Variants in SCARA3 observed in about 807,000 individuals in gnomAD.
The protein encoded by SCARA3 is cellular stress response gene protein.
SCARA3 carries 39 observed loss-of-function variants against 47.0 expected under a neutral mutation model. That is an observed-to-expected ratio of 0.83 (90% CI 0.64 to 1.08). The LOEUF is 1.08. Ranked by LOEUF, SCARA3 falls within the 50% of genes least tolerant of loss-of-function variation. SCARA3 has a pLI of 0.00. For missense variants in SCARA3, 724 were observed against 792.3 expected (o/e 0.91, Z 1.04); for synonymous variants, 356 against 334.1 (o/e 1.07, Z -0.71).
intron 2 of SCARA3, among the ~76,000 whole-genome samples, chr8:27,650,525 T>G (rs1434898435): frequency 6.6e-6 from 1 of 152,362 alleles, no homozygotes; most frequent in South Asian, 2.1e-4. Context: ...TGGCTCTTCA[T>G]TGCAATCACC....
chr8:27,646,951 C>A (rs569379182), intron 1 of SCARA3, among the ~76,000 whole-genome samples: 2 of 128,498 alleles, frequency 1.6e-5, no homozygotes, highest in Non-Finnish European at 3.3e-5. Flanking sequence ...AAAGCACTTG[C>A]CCGCACCCCT....
intron 4 of SCARA3, 31 bp from the exon 5 acceptor site, chr8:27,658,465 C>A (rs1801790389): frequency 6.5e-7 from 1 of 1,540,516 alleles, no homozygotes; most frequent in Non-Finnish European, 8.7e-7. Flanking sequence ...GGCCCTTCAG[C>A]AACTCAAACT....
the SCARA3 span, among the ~76,000 whole-genome samples, chr8:27,692,914 CAGG>C: frequency 6.6e-6 from 1 of 152,026 alleles, no homozygotes; most frequent in Non-Finnish European, 1.5e-5. Context: ...CACTTGAGGC[CAGG>C]AGATCGAGAC....
At chr8:27,676,238 A>T (rs536899737), downstream of SCARA3, among the ~76,000 whole-genome samples, 1 of 152,354 alleles carries the variant, frequency 6.6e-6, no homozygotes, top group Admixed American at 6.5e-5. Flanking sequence ...GTTCCACAGA[A>T]TCAACTTGCT....
the SCARA3 span, among the ~76,000 whole-genome samples, chr8:27,705,072 C>A: frequency 6.6e-6 from 1 of 152,176 alleles, no homozygotes; most frequent in Admixed American, 6.5e-5. Flanking sequence ...GAGCAATCAG[C>A]GAGGGTACCA....
chr8:27,656,673 G>A, intron 3 of SCARA3, 109 bp from the exon 4 acceptor site: 1 of 732,014 alleles, frequency 1.4e-6, no homozygotes. Context: ...GAGAAGAAGG[G>A]TGAAAGGTTT....
the SCARA3 span, among the ~76,000 whole-genome samples, chr8:27,686,858 T>A: frequency 1.3e-5 from 2 of 152,176 alleles, no homozygotes; most frequent in Non-Finnish European, 2.9e-5. Flanking sequence ...GGTAAACGTG[T>A]GCCATGGTGG....
intron 5 of SCARA3, among the ~76,000 whole-genome samples, chr8:27,666,764 C>G (rs1466200305): frequency 6.6e-6 from 1 of 152,190 alleles, no homozygotes; most frequent in Non-Finnish European, 1.5e-5. Context: ...TGCACTGCCC[C>G]TCCCATGGGT....
chr8:27,668,546 C>CAAAAAAAAAAAAAAAAA (rs61162841), intron 5 of SCARA3, among the ~76,000 whole-genome samples: 32 of 69,800 alleles, frequency 4.6e-4, no homozygotes, highest in African/African-American at 1.3e-3. Flanking sequence ...GACTCCGTCT[C>CAAAAAAAAAAAAAAAAA]AAAAAAAAAA....
chr8:27,658,529 A>T lies in SCARA3; in HGVS notation c.359A>T (p.His120Leu). ...GCCCTGAACAACTGCTCTTTCTGCCATGAAGCTGGGCAGCTGGGGCCAGAG... is the reference window on the plus strand; with the variant it reads ...GCCCTGAACAACTGCTCTTTCTGCCTTGAAGCTGGGCAGCTGGGGCCAGAG... ...PKALNNCSFC[H>L]EAGQLGPEIR... is the part of the protein sequence containing the mutation. The change falls in exon 5 of 6, where the codon CAT becomes CTT. Residue 120 changes from histidine (H) to leucine (L), a missense_variant. Transcript: ENST00000301904. 1 of 1,612,270 alleles carries T rather than the reference A, an allele frequency of 6.2e-7. No homozygotes were observed. Among genetic ancestry groups the T allele is most frequent in the African/African-American group, 1.3e-5 (1 of 74,988 alleles).
chr8:27,648,494 C>T (rs1228816395), intron 1 of SCARA3, among the ~76,000 whole-genome samples: 2 of 152,132 alleles, frequency 1.3e-5, no homozygotes, highest in African/African-American at 4.8e-5. Flanking sequence ...GTCCCAGCTA[C>T]TCGGGAGGCT....
the SCARA3 span, among the ~76,000 whole-genome samples, chr8:27,690,701 A>T: frequency 1.3e-5 from 2 of 150,682 alleles, no homozygotes; most frequent in East Asian, 1.9e-4. Flanking sequence ...CAGTTTTTAA[A>T]TTTTTTTTTT....
intron 1 of SCARA3, among the ~76,000 whole-genome samples, chr8:27,637,877 G>T (rs1189375892): frequency 6.6e-6 from 1 of 151,928 alleles, no homozygotes; most frequent in Non-Finnish European, 1.5e-5. Flanking sequence ...CGGCCAGGCT[G>T]GGGGCCCCAG....
chr8:27,669,628 C>T (rs571469486), intron 5 of SCARA3, among the ~76,000 whole-genome samples: 4 of 152,236 alleles, frequency 2.6e-5, no homozygotes, highest in African/African-American at 7.2e-5. Flanking sequence ...TGGCAGGCCA[C>T]GTGAGCCATG....
At chr8:27,685,025 T>C in the SCARA3 span, among the ~76,000 whole-genome samples, 1 of 152,074 alleles carries the variant, frequency 6.6e-6, no homozygotes, top group African/African-American at 2.4e-5. Flanking sequence ...AAGTTTAGAA[T>C]GGAGAGGACC....
chr8:27,663,820 C>T (rs1176580221), intron 5 of SCARA3, among the ~76,000 whole-genome samples: 2 of 152,232 alleles, frequency 1.3e-5, no homozygotes, highest in Non-Finnish European at 2.9e-5. Flanking sequence ...GCCCAGGCAG[C>T]AAAGCAGCTT....
At chr8:27,657,492 A>G (rs1250474337) in intron 4 of SCARA3, among the ~76,000 whole-genome samples, 1 of 131,112 alleles carries the variant, frequency 7.6e-6, no homozygotes, top group Non-Finnish European at 1.6e-5. Flanking sequence ...CCCATCTAGT[A>G]TGCACTGAAG....
intron 1 of SCARA3, among the ~76,000 whole-genome samples, chr8:27,641,649 C>T (rs1278180483): frequency 1.3e-5 from 2 of 152,046 alleles, no homozygotes; most frequent in African/African-American, 2.4e-5. Flanking sequence ...GAGGTCAGGG[C>T]GAATGAGAAC....
the SCARA3 span, among the ~76,000 whole-genome samples, chr8:27,710,771 C>G: frequency 1.3e-5 from 2 of 152,196 alleles, no homozygotes; most frequent in Non-Finnish European, 2.9e-5. Flanking sequence ...AGAAACCAGG[C>G]CATTTTTCCT....
Sources: gnomAD v4.1 joint callset for allele counts (sites outside exome capture counted in the v4.1 genomes callset) on GRCh38, gnomAD v4.1.1 for gene constraint, MANE v1.5 for transcripts, NCBI Gene and HGNC (gene_info 2026-07-23, HGNC 2026-07-21) for gene names.